The following TLE2 variants were observed in gnomAD, a reference collection of about 807,000 sequenced individuals.
TLE2 encodes TLE family member 2, transcriptional corepressor, also known as transducin-like enhancer protein 2.
TLE2 carries 74 observed loss-of-function variants against 97.2 expected under a neutral mutation model. The ratio of observed to expected loss-of-function variants is 0.76; its 90% CI spans 0.63 to 0.92. The LOEUF (loss-of-function observed/expected upper bound fraction) is 0.92. Ranked by LOEUF, TLE2 falls within the 40% of genes least tolerant of loss-of-function variation. TLE2 has a pLI of 0.00. For synonymous variants in TLE2, 499 were observed against 432.1 expected (o/e 1.15, Z -1.92); for missense variants, 1,038 against 1,008.7 (o/e 1.03, Z -0.39).
At chr19:3,007,077 G>C (rs1311083965) in intron 14 of TLE2, among the ~76,000 whole-genome samples, 2 of 151,140 alleles carry the variant, frequency 1.3e-5, no homozygotes, top group Non-Finnish European at 2.9e-5. Context: ...GAGCCACCAT[G>C]CCCAGCCTGA....
chr19:3,046,961 CCTT>C (rs2090147278), upstream of TLE2, among the ~76,000 whole-genome samples: 1 of 122,544 alleles, frequency 8.2e-6, no homozygotes. Flanking sequence ...TTCCCTCCCT[CCTT>C]CTCCCCCACC....
At position 3,019,397 on chromosome 19, in the gene TLE2, C is replaced by T. The variant is rs1173195993; in HGVS notation, c.436G>A (p.Val146Met). 9 of 1,542,224 alleles carry T rather than the reference C, an allele frequency of 5.8e-6. No individual in the cohort carries two copies. In the African/African-American group the frequency reaches 6.8e-5, roughly 12 times the overall value. Residue 146 changes from valine (V) to methionine (M), a missense_variant, in exon 7 of 20, where the codon GTG becomes ATG. Physicochemically the swap from Val to Met is conservative, Grantham distance 21 (BLOSUM62 1). Transcript: ENST00000262953. The surrounding 1 kb of genome is among the most constrained non-coding windows in gnomAD (Gnocchi z 5.1). Reference protein sequence around the residue: ...VPLTPRPAGLVGGSATGLLAL... With the variant: ...VPLTPRPAGLMGGSATGLLAL... ...AGCAGCCCCGTAGCACTGCCGCCCA[C>T]CAGCCCGGCTGGGCGGGGGGTGAGG... is the stretch of plus-strand genomic sequence containing the variant.
chr19:3,046,929 T>TCCCC (rs1568259078), upstream of TLE2, among the ~76,000 whole-genome samples: 71 of 37,628 alleles, frequency 1.9e-3, no homozygotes, highest in African/African-American at 6.9e-3. Context: ...CTCCCCCTCC[T>TCCCC]CTGCCTCCCC....
rs756459715 is a variant in TLE2 at position 3,009,601 on chromosome 19, C to T, written c.1114G>A (p.Val372Ile). The stretch of plus-strand genomic sequence containing the variant: ...ACCTGGGGGGACAGGTGGAGGCTGA[C>T]GTAGGAGCTGGGCACGGAGAGGTCT... ...NGDLSVPSSY[V>I]SLHLSPQVSS... Residue 372 changes from valine to isoleucine, a missense_variant, in exon 13 of 20, where the codon GTC becomes ATC. Coordinates refer to ENST00000262953, the MANE Select transcript of TLE2 (RefSeq NM_003260.5). 87 of 1,613,282 alleles carry T rather than the reference C, an allele frequency of 5.4e-5. No homozygotes were observed. The East Asian group carries it at 1.2e-3, about 22-fold the overall frequency.
At chr19:3,010,713 C>A (rs917148323) in intron 12 of TLE2, among the ~76,000 whole-genome samples, 2 of 152,324 alleles carry the variant, frequency 1.3e-5, no homozygotes, top group African/African-American at 4.8e-5. Flanking sequence ...GGTCACCCAG[C>A]TGGTGAATGC....
At position 3,019,100 on chromosome 19, in the gene TLE2, G is replaced by A. The variant is rs2089781233; in HGVS notation, c.550+183C>T. 6.6e-6 allele frequency among the ~76,000 whole-genome samples: 1 copy of A among 152,116 alleles called. No individual in the cohort carries two copies. Among genetic ancestry groups the A allele is most frequent in the Non-Finnish European group, 1.5e-5 (1 of 68,028 alleles). ...TTTTGTAGAGACGGGGTCTCGCTCT[G>A]TTGCCCAGGCTGGTCATGAACTCCT... On this transcript the variant is annotated intron_variant, in intron 7 of 19. Coordinates refer to ENST00000262953, the MANE Select transcript of TLE2 (RefSeq NM_003260.5). This position sits in a 1 kb window ranked among gnomAD's most constrained non-coding sequence, Gnocchi z 5.1.
Position 3,005,725 on chromosome 19 carries a change from C to T in TLE2, c.1744G>A (p.Val582Ile). The stretch of plus-strand genomic sequence containing the variant: ...CCCAGCGCACCTGCCACCCACCTGA[C>T]CATAGTCTGATTCTGCAGGTCCCAG... Reference protein sequence around the residue: ...VVWDLQNQTMVRQFQGHTDGA... With the variant: ...VVWDLQNQTMIRQFQGHTDGA... Residue 582 changes from valine (V) to isoleucine (I), a missense_variant, in exon 16 of 20, where the codon GTC (valine) becomes ATC (isoleucine). Coordinates refer to ENST00000262953, the MANE Select transcript of TLE2 (RefSeq NM_003260.5). 6.2e-7 allele frequency: 1 copy of T among 1,613,420 alleles called. No homozygotes were observed. Among genetic ancestry groups the T allele is most frequent in the Non-Finnish European group, 8.5e-7 (1 of 1,179,540 alleles).
At chr19:3,006,932 GC>G in intron 14 of TLE2, among the ~76,000 whole-genome samples, 1 of 151,972 alleles carries the variant, frequency 6.6e-6, no homozygotes, top group East Asian at 1.9e-4. Flanking sequence ...ACAGGCATGC[GC>G]CACCATGCCT....
At chr19:3,039,627 C>G (rs1228003453) in intron 1 of TLE2, among the ~76,000 whole-genome samples, 1 of 152,156 alleles carries the variant, frequency 6.6e-6, no homozygotes, top group Non-Finnish European at 1.5e-5. Context: ...ACTATCTGCT[C>G]CCTCCTGTGT....
intron 18 of TLE2, among the ~76,000 whole-genome samples, chr19:3,001,712 C>T (rs186231145): frequency 6.2e-4 from 94 of 151,250 alleles, no homozygotes; most frequent in Middle Eastern, 6.8e-3. Context: ...TGGTCTTGGG[C>T]GATCCTTCTG....
upstream of TLE2, among the ~76,000 whole-genome samples, chr19:3,033,416 C>T (rs558424246): frequency 6.6e-6 from 1 of 152,316 alleles, no homozygotes; most frequent in African/African-American, 2.4e-5. Context: ...ATCCGCCCGC[C>T]TCAGCCTCCC....
intron 1 of TLE2, among the ~76,000 whole-genome samples, chr19:3,041,241 G>C (rs907363689): frequency 6.6e-6 from 1 of 151,122 alleles, no homozygotes; most frequent in Non-Finnish European, 1.5e-5. Context: ...TGGCCAGGCT[G>C]GTCTTGAACT....
In TLE2 at chr19:3,008,874, T is replaced by A; in HGVS notation, c.1245A>T (p.Gly415=). The A allele has an allele frequency of 6.3e-7, 1 of 1,581,418 alleles. No homozygotes were observed. Among genetic ancestry groups the A allele is most frequent in the East Asian group, 2.3e-5 (1 of 42,854 alleles). ...AGCCCCACCCTGGTACTCACGGCTT[T>A]CCCCCAGGGATGCTGGGTAGGGAGG... ...VSSSLPSIPG[G]KPAYSFHVSA... The change falls in exon 14 of 20, where the codon GGA becomes GGT. Residue 415 remains glycine, a synonymous_variant. Coordinates refer to ENST00000262953, the MANE Select transcript of TLE2 (RefSeq NM_003260.5).
chr19:3,033,905 T>C (rs2090044477), upstream of TLE2, among the ~76,000 whole-genome samples: 1 of 151,732 alleles, frequency 6.6e-6, no homozygotes, highest in South Asian at 2.1e-4. Flanking sequence ...GCCCGGTCAC[T>C]TGAATGTCAA....
At chr19:3,032,399 G>A (rs564817746), upstream of TLE2, among the ~76,000 whole-genome samples, 112 of 152,002 alleles carry the variant, frequency 7.4e-4, no homozygotes, top group Middle Eastern at 3.4e-3. This position sits in a 1 kb window ranked among gnomAD's most constrained non-coding sequence, Gnocchi z 4.1. Flanking sequence ...CACCACGCCT[G>A]GCTAATTTTT....
intron 13 of TLE2, 41 bp from the exon 14 acceptor site, chr19:3,008,986 C>A: frequency 6.6e-7 from 1 of 1,503,888 alleles, no homozygotes; most frequent in Non-Finnish European, 9.0e-7. Flanking sequence ...GCAGGTGACT[C>A]CAACCCACCT....
chr19:3,037,459 G>A (rs150072484), intron 1 of TLE2, among the ~76,000 whole-genome samples: 1,649 of 152,342 alleles, frequency 0.011, 8 homozygotes, highest in Admixed American at 0.02. Context: ...GTGACAGAGT[G>A]AGCCTTGGGC....
At chr19:3,023,428 AC>A (rs2089884673) in intron 5 of TLE2, among the ~76,000 whole-genome samples, 1 of 150,284 alleles carries the variant, frequency 6.7e-6, no homozygotes. Context: ...TCTACACAGG[AC>A]CTCTCCCCAC....
intron 5 of TLE2, among the ~76,000 whole-genome samples, chr19:3,023,466 A>G (rs180720347): frequency 9.2e-5 from 14 of 152,290 alleles, no homozygotes; most frequent in Non-Finnish European, 2.1e-4. Context: ...TCTCAGACTC[A>G]GTGGAATCTG....
Sources: allele counts gnomAD v4.1 joint callset (sites outside exome capture counted in the v4.1 genomes callset), GRCh38; gene constraint gnomAD v4.1.1; non-coding constraint Gnocchi (gnomAD v3.1); transcripts MANE v1.5; gene names NCBI Gene and HGNC (gene_info 2026-07-23, HGNC 2026-07-21).